HSD17B4: variants seen among roughly 807,000 people sequenced by gnomAD.
HSD17B4 encodes the protein hydroxysteroid 17-beta dehydrogenase 4.
A neutral mutation model predicts 101.0 loss-of-function variants in HSD17B4; 70 were observed. The observed-to-expected ratio is 0.69, with a 90% confidence interval of 0.57 to 0.85. The LOEUF (loss-of-function observed/expected upper bound fraction) is 0.85, where lower values mean the gene tolerates loss of function less well. Ranked by LOEUF, HSD17B4 falls within the 40% of genes least tolerant of loss-of-function variation. The pLI, the probability that HSD17B4 is intolerant of heterozygous loss-of-function variation, is 0.00. For missense variants in HSD17B4, 984 were observed against 892.4 expected, an observed-to-expected ratio of 1.10 and a Z score of -1.31; for synonymous variants, 347 against 297.1, an observed-to-expected ratio of 1.17 and a Z score of -1.73.
chr5:119,474,376 T>C (rs1428556476), intron 3 of HSD17B4, 25 bp from the exon 4 acceptor site: 1 of 1,555,398 alleles, frequency 6.4e-7, no homozygotes, highest in African/African-American at 1.4e-5. Flanking sequence ...TGCCGAAATT[T>C]CATACAAATT....
At chr5:119,534,886 A>G (rs7716785) in intron 22 of HSD17B4, among the ~76,000 whole-genome samples, 42,100 of 151,988 alleles carry the variant, frequency 0.28, 7,020 homozygotes, top group East Asian at 0.4. Flanking sequence ...AAAAGTACAC[A>G]CAAGTGCACA....
chr5:119,526,805 A>G (rs1753641741), intron 19 of HSD17B4, among the ~76,000 whole-genome samples: 1 of 151,902 alleles, frequency 6.6e-6, no homozygotes, highest in East Asian at 1.9e-4. Flanking sequence ...AATTTGTACC[A>G]CTTTTAACTG....
intron 20 of HSD17B4, 25 bp from the exon 21 acceptor site, chr5:119,529,869 C>A (rs1753905568): frequency 4.8e-6 from 6 of 1,252,720 alleles, no homozygotes; most frequent in Non-Finnish European, 4.6e-6. Flanking sequence ...CAGAATAAAT[C>A]TTTTTTTTTT....
intron 22 of HSD17B4, chr5:119,536,082 A>T (rs905665843): frequency 7.2e-6 from 2 of 277,884 alleles, no homozygotes; most frequent in Admixed American, 1.0e-4. Context: ...CACTAAGAGA[A>T]AATGAATACA....
intron 11 of HSD17B4, 75 bp from the exon 12 acceptor site, chr5:119,496,468 G>T: frequency 3.6e-6 from 3 of 826,484 alleles, no homozygotes; most frequent in Non-Finnish European, 4.3e-6. Flanking sequence ...GAATAATTAT[G>T]TAGCATATTG....
At chr5:119,464,209 ATT>A (rs377167611) in intron 2 of HSD17B4, among the ~76,000 whole-genome samples, 34 of 151,662 alleles carry the variant, frequency 2.2e-4, no homozygotes, top group African/African-American at 8.2e-4. Flanking sequence ...CCATTTGTTT[ATT>A]TTTGCTTTTG....
intron 11 of HSD17B4, among the ~76,000 whole-genome samples, chr5:119,496,102 A>G (rs572016186): frequency 6.6e-6 from 1 of 152,280 alleles, no homozygotes; most frequent in African/African-American, 2.4e-5. Context: ...TACTTGTACA[A>G]AGAACTGGGA....
At chr5:119,497,955 C>T (rs552829556) in intron 12 of HSD17B4, among the ~76,000 whole-genome samples, 2 of 152,040 alleles carry the variant, frequency 1.3e-5, no homozygotes, top group East Asian at 3.9e-4. Context: ...TCTTTTGGGT[C>T]CGTTTCTTTT....
At position 119,531,192 on chromosome 5, in the gene HSD17B4, CAT is replaced by C. The variant is rs1052311437; in HGVS notation, c.1855-73_1855-72del. On this transcript the variant is annotated intron_variant, in intron 21 of 23. Transcript: ENST00000510025. ...AGTTTTAAAAAATCTTTTTTTTGCA[CAT>C]GTTTTATAATCACTTTTCTCCATGA... 153 of 1,470,290 alleles carry C rather than the reference CAT, an allele frequency of 1.0e-4. 1 individual carries two copies. The Admixed American group carries it at 1.3e-3, about 12-fold the overall frequency. The allele number at this position is 1,470,290 out of a possible 1,614,324, so 91.1% of individuals were successfully genotyped here.
intron 7 of HSD17B4, 102 bp downstream of exon 7, chr5:119,477,603 C>A: frequency 1.2e-6 from 1 of 846,086 alleles, no homozygotes; most frequent in Non-Finnish European, 2.1e-6. Flanking sequence ...TGATTTATGA[C>A]ATTGAGGAAT....
chr5:119,511,483 T>C (rs1259663888), intron 16 of HSD17B4, among the ~76,000 whole-genome samples: 1 of 152,032 alleles, frequency 6.6e-6, no homozygotes, highest in African/African-American at 2.4e-5. Context: ...GATCAGATTG[T>C]TGAACAATTT....
chr5:119,509,433 A>C, intron 16 of HSD17B4, 189 bp downstream of exon 16: 1 of 695,224 alleles, frequency 1.4e-6, no homozygotes, highest in Non-Finnish European at 2.6e-6. Flanking sequence ...TCCTCAGCCT[A>C]CCCAATGTGA....
At chr5:119,520,496 C>G (rs1269555801) in intron 17 of HSD17B4, among the ~76,000 whole-genome samples, 1 of 152,160 alleles carries the variant, frequency 6.6e-6, no homozygotes, top group Non-Finnish European at 1.5e-5. Context: ...TTTCAGAATT[C>G]TAATCTATAT....
intron 7 of HSD17B4, 27 bp from the exon 8 acceptor site, chr5:119,478,807 A>T: frequency 1.3e-6 from 2 of 1,578,112 alleles, no homozygotes; most frequent in Non-Finnish European, 1.7e-6. Context: ...GGAAAAGATG[A>T]TATTGAGAGA....
At chr5:119,504,538 A>G (rs1751476678) in intron 14 of HSD17B4, among the ~76,000 whole-genome samples, 1 of 152,088 alleles carries the variant, frequency 6.6e-6, no homozygotes, top group African/African-American at 2.4e-5. Flanking sequence ...GATTAGTGTT[A>G]TGAAGCATTT....
At chr5:119,508,719 G>C (rs1330873127) in intron 15 of HSD17B4, among the ~76,000 whole-genome samples, 2 of 152,160 alleles carry the variant, frequency 1.3e-5, no homozygotes, top group Non-Finnish European at 2.9e-5. Flanking sequence ...CCCTCATGTG[G>C]CTTATACCTT....
chr5:119,471,723 T>C, intron 2 of HSD17B4: 1 of 1,277,842 alleles, frequency 7.8e-7, no homozygotes, highest in Non-Finnish European at 1.1e-6. Context: ...AGTTCTGTTT[T>C]TCCAAGTTAT....
intron 15 of HSD17B4, among the ~76,000 whole-genome samples, chr5:119,507,158 T>G (rs1751728305): frequency 6.6e-6 from 1 of 152,216 alleles, no homozygotes; most frequent in Non-Finnish European, 1.5e-5. Context: ...TGGCTTGTAT[T>G]GATAATGTAG....
At chr5:119,454,164 T>C (rs1177304261) in intron 1 of HSD17B4, among the ~76,000 whole-genome samples, 3 of 152,236 alleles carry the variant, frequency 2.0e-5, no homozygotes, top group African/African-American at 7.2e-5. Context: ...ATTTATTTTC[T>C]ATTCTGTTTT....
Sources: gnomAD v4.1 joint callset for allele counts (sites outside exome capture counted in the v4.1 genomes callset) on GRCh38, gnomAD v4.1.1 for gene constraint, MANE v1.5 for transcripts, NCBI Gene and HGNC (gene_info 2026-07-23, HGNC 2026-07-21) for gene names.